GNG4: variants seen among roughly 807,000 people sequenced by gnomAD.
GNG4 encodes G protein subunit gamma 4.
GNG4 carries 4 observed loss-of-function variants against 5.8 expected under a neutral mutation model. The ratio of observed to expected loss-of-function variants is 0.69; its 90% CI spans 0.34 to 1.57. The LOEUF (loss-of-function observed/expected upper bound fraction) is 1.57. Ranked by LOEUF, GNG4 falls within the 40% of genes most tolerant of loss-of-function variation. The pLI, the probability that GNG4 is intolerant of heterozygous loss-of-function variation, is 0.06. For missense variants in GNG4, 96 were observed against 95.1 expected, an observed-to-expected ratio of 1.01 and a Z score of -0.04; for synonymous variants, 29 against 32.9, an observed-to-expected ratio of 0.88 and a Z score of 0.41.
intron 1 of GNG4, among the ~76,000 whole-genome samples, chr1:235,641,413 G>A (rs2102988840): frequency 6.6e-6 from 1 of 151,798 alleles, no homozygotes; most frequent in African/African-American, 2.4e-5. Context: ...ATAATCGGCG[G>A]GGCACAGTGG....
At chr1:235,630,532 C>T (rs541345582) in intron 1 of GNG4, among the ~76,000 whole-genome samples, 1 of 152,296 alleles carries the variant, frequency 6.6e-6, no homozygotes, top group South Asian at 2.1e-4. Context: ...ACACGGTTTG[C>T]AAAGTGCCAG....
intron 1 of GNG4, among the ~76,000 whole-genome samples, chr1:235,624,847 A>G (rs1344540898): frequency 2.0e-5 from 3 of 152,140 alleles, no homozygotes; most frequent in Non-Finnish European, 4.4e-5. Context: ...CAGTAGTGCT[A>G]TTTGCAAACA....
chr1:235,602,439 G>T (rs954340091), intron 1 of GNG4, among the ~76,000 whole-genome samples: 4 of 152,138 alleles, frequency 2.6e-5, no homozygotes, highest in African/African-American at 9.7e-5. Context: ...GAGCGGCCCC[G>T]TTAGCCTGGC....
chr1:235,552,751 ATTCATTT>A (rs1158033753), intron 3 of GNG4, among the ~76,000 whole-genome samples: 3 of 151,882 alleles, frequency 2.0e-5, no homozygotes, highest in East Asian at 1.9e-4. Flanking sequence ...TTTTATTTTT[ATTCATTT>A]TTCATTTTTA....
intron 1 of GNG4, among the ~76,000 whole-genome samples, chr1:235,608,228 A>C (rs1688404120): frequency 6.6e-6 from 1 of 151,908 alleles, no homozygotes; most frequent in African/African-American, 2.4e-5. Flanking sequence ...GAGCCACTGC[A>C]CCTGGCCAGG....
intron 3 of GNG4, among the ~76,000 whole-genome samples, chr1:235,569,827 A>T (rs2841888): frequency 6.6e-6 from 1 of 151,824 alleles, no homozygotes; most frequent in Non-Finnish European, 1.5e-5. Flanking sequence ...CGGCCTCCCA[A>T]AGTGCTGGGA....
chr1:235,641,942 A>C (rs1657340503), intron 1 of GNG4, among the ~76,000 whole-genome samples: 1 of 152,116 alleles, frequency 6.6e-6, no homozygotes, highest in South Asian at 2.1e-4. Flanking sequence ...TGTTTAAACT[A>C]CTTTTGATTT....
intron 3 of GNG4, among the ~76,000 whole-genome samples, chr1:235,576,413 G>A (rs1333562096): frequency 6.6e-6 from 1 of 152,128 alleles, no homozygotes; most frequent in African/African-American, 2.4e-5. Flanking sequence ...TCTGATGGGT[G>A]AGAAAAAGAA....
At chr1:235,555,147 A>C (rs1686865596) in intron 3 of GNG4, among the ~76,000 whole-genome samples, 3 of 152,162 alleles carry the variant, frequency 2.0e-5, no homozygotes, top group Non-Finnish European at 1.5e-5. Flanking sequence ...ACAAAAGAAC[A>C]CTTGCACGCC....
chr1:235,622,710 G>A (rs867138247), intron 1 of GNG4, among the ~76,000 whole-genome samples: 3 of 151,650 alleles, frequency 2.0e-5, no homozygotes, highest in South Asian at 2.1e-4. Context: ...GTGAAACCCC[G>A]TCTCTACTAA....
Position 235,642,049 on chromosome 1 carries a change from A to G in GNG4, c.-123+7613T>C, listed in dbSNP as rs549381002. Among the ~76,000 whole-genome samples, 9 of 152,308 alleles carry G rather than the reference A, an allele frequency of 5.9e-5. No homozygotes were observed. In the South Asian group the frequency reaches 1.9e-3, roughly 32 times the overall value. On this transcript the variant is annotated intron_variant, in intron 1 of 3. Coordinates refer to ENST00000391854, the MANE Select transcript of GNG4 (RefSeq NM_001098722.2). This position sits in a 1 kb window ranked among gnomAD's most constrained non-coding sequence, Gnocchi z 4.3. ...CCCCCGCAACTGCCTGCGTTTTCGT[A>G]GCCCTAGAGCTTCCAACGTACAGTG...
chr1:235,554,438 C>T (rs1394215664), intron 3 of GNG4, among the ~76,000 whole-genome samples: 4 of 152,234 alleles, frequency 2.6e-5, no homozygotes, highest in Admixed American at 2.6e-4. Context: ...GGGCAGCACA[C>T]ACAAGGGCTG....
intron 1 of GNG4, among the ~76,000 whole-genome samples, chr1:235,597,290 A>G (rs1688144703): frequency 6.6e-6 from 1 of 152,258 alleles, no homozygotes; most frequent in Non-Finnish European, 1.5e-5. Flanking sequence ...CCCTGGCTAA[A>G]ATGGAATCCA....
At chr1:235,646,277 T>C (rs1657509222) in intron 1 of GNG4, among the ~76,000 whole-genome samples, 2 of 152,122 alleles carry the variant, frequency 1.3e-5, no homozygotes. Flanking sequence ...AGTTCTCCAC[T>C]TTTTTCTCTT....
intron 1 of GNG4, among the ~76,000 whole-genome samples, chr1:235,647,479 A>T (rs1657541522): frequency 6.6e-6 from 1 of 152,202 alleles, no homozygotes; most frequent in Non-Finnish European, 1.5e-5. Context: ...AAAAGAAGAA[A>T]TTGTTGGGTA....
chr1:235,619,681 A>T (rs77546654), intron 1 of GNG4, among the ~76,000 whole-genome samples: 14 of 152,164 alleles, frequency 9.2e-5, no homozygotes, highest in African/African-American at 3.1e-4. Context: ...AACTTTTTAT[A>T]TTATCTTTAT....
At chr1:235,564,796 C>T (rs1187411466) in intron 3 of GNG4, among the ~76,000 whole-genome samples, 1 of 152,166 alleles carries the variant, frequency 6.6e-6, no homozygotes, top group Non-Finnish European at 1.5e-5. Context: ...AGCGATTCTT[C>T]TGCCTCAGCC....
upstream of GNG4, chr1:235,650,081 G>C (rs985867524): frequency 6.6e-6 from 1 of 150,666 alleles, no homozygotes; most frequent in Middle Eastern, 3.2e-3. Context: ...GCGTCACCGG[G>C]GCTCCCGCGC....
intron 1 of GNG4, among the ~76,000 whole-genome samples, chr1:235,626,520 TCTTTAAATTCTCACCTAATTCTGGTC>T (rs1443241351): frequency 3.9e-5 from 6 of 152,106 alleles, no homozygotes; most frequent in African/African-American, 1.2e-4. Flanking sequence ...GCCGAGTGCC[TCTTTAAATTCTCACCTAATTCTGGTC>T]CTGCTGATGT....
Sources: gnomAD v4.1 joint callset for allele counts (sites outside exome capture counted in the v4.1 genomes callset) on GRCh38, gnomAD v4.1.1 for gene constraint, Gnocchi (gnomAD v3.1) non-coding constraint, MANE v1.5 for transcripts, NCBI Gene and HGNC (gene_info 2026-07-23, HGNC 2026-07-21) for gene names.